ZIC5: variants seen among roughly 807,000 people sequenced by gnomAD.
ZIC5 encodes the protein zinc finger protein ZIC 5.
ZIC5 carries 20 observed loss-of-function variants against 28.5 expected under a neutral mutation model. The observed-to-expected ratio is 0.70, with a 90% confidence interval of 0.49 to 1.02. ZIC5 has a LOEUF of 1.02. Ranked by LOEUF, ZIC5 falls within the 50% of genes least tolerant of loss-of-function variation. The pLI, the probability that ZIC5 is intolerant of heterozygous loss-of-function variation, is 0.00. For missense variants in ZIC5, 951 were observed against 899.7 expected, an observed-to-expected ratio of 1.06 and a Z score of -0.73; for synonymous variants, 488 against 410.4, an observed-to-expected ratio of 1.19 and a Z score of -2.29.
Position 99,971,201 on chromosome 13 carries a change from G to A in ZIC5, c.403C>T (p.Pro135Ser). ...APPPPAPPLP[P>S]TPSPPPPPPP... ...GGAGGGGGAGGGGGTGAAGGGGTGG[G>A]AGGAAGAGGAGGGGCTGGGGGCGGG... Residue 135 changes from proline (P) to serine (S), a missense_variant, in exon 1 of 2, where the codon CCC (proline) becomes TCC (serine). By Grantham distance (74) the Pro-to-Ser change is moderately conservative. Transcript: ENST00000267294. 1 of 581,592 alleles carries A rather than the reference G, an allele frequency of 1.7e-6. No homozygotes were observed. Among genetic ancestry groups the A allele is most frequent in the South Asian group, 4.0e-5 (1 of 24,944 alleles). The allele number at this position is 581,592 out of a possible 1,614,324, so 36.0% of individuals were successfully genotyped here. A position where few individuals can be genotyped will look rare whatever the true frequency, so the allele number is the denominator to read the frequency against.
At chr13:99,968,027 A>C (rs921930553) in intron 1 of ZIC5, among the ~76,000 whole-genome samples, 6 of 152,162 alleles carry the variant, frequency 3.9e-5, no homozygotes, top group African/African-American at 1.4e-4. Context: ...CTCCCGAGAG[A>C]GCGCGAGTCG....
At chr13:99,967,403 A>G (rs1176106084) in intron 1 of ZIC5, among the ~76,000 whole-genome samples, 2 of 152,400 alleles carry the variant, frequency 1.3e-5, no homozygotes, top group African/African-American at 4.8e-5. Flanking sequence ...TTCTCTGTAG[A>G]TGAGCTTTAA....
Position 99,971,328 on chromosome 13 carries a change from C to T in ZIC5, c.276G>A (p.Glu92=), listed in dbSNP as rs892336043. 2.2e-6 allele frequency: 3 copies of T among 1,394,088 alleles called. No individual in the cohort carries two copies. Among genetic ancestry groups the T allele is most frequent in the South Asian group, 1.6e-5 (1 of 61,194 alleles). The allele number at this position is 1,394,088 out of a possible 1,614,324, so 86.4% of individuals were successfully genotyped here. A position where few individuals can be genotyped will look rare whatever the true frequency, so the allele number is the denominator to read the frequency against. The change falls in exon 1 of 2, where the codon GAG becomes GAA. Residue 92 remains glutamate, a synonymous_variant. Coordinates refer to ENST00000267294, the MANE Select transcript of ZIC5 (RefSeq NM_033132.5). ...PPSQAFPAHP[E]APAAAARAAA... is the part of the protein sequence containing the mutation. ...CAGCACGGGCGGCGGCTGCCGGAGCCTCCGGGTGTGCCGGGAACGCCTGGG... is the reference window on the plus strand; with the variant it reads ...CAGCACGGGCGGCGGCTGCCGGAGCTTCCGGGTGTGCCGGGAACGCCTGGG...
At chr13:99,969,235 G>T (rs568982309) in intron 1 of ZIC5, among the ~76,000 whole-genome samples, 1 of 152,258 alleles carries the variant, frequency 6.6e-6, no homozygotes, top group South Asian at 2.1e-4. Context: ...CCACGACGCC[G>T]GTGGCTCCCC....
chr13:99,969,853 G>T lies in ZIC5; in HGVS notation c.1477+274C>A, dbSNP rs551850306. ...GCGGCTGGCGCGCGTTGCGGGTCCC[G>T]GCCGAGGGGCTGCGGGCGCGCTGGA... On this transcript the variant is annotated intron_variant, in intron 1 of 1. Transcript: ENST00000267294. 2.4e-3 allele frequency among the ~76,000 whole-genome samples: 353 copies of T among 148,236 alleles called. 2 individuals are homozygous for T. Among genetic ancestry groups the T allele is most frequent in the African/African-American group, 7.4e-3 (298 of 40,218 alleles).
rs148340592 is a variant in ZIC5, at chr13:99,965,581, G to A, written c.1716C>T (p.Gly572=). 228 of 1,613,860 alleles carry A rather than the reference G, an allele frequency of 1.4e-4. 2 individuals carry two copies. The highest frequency in any genetic ancestry group is 1.2e-3 in the South Asian group (112 of 91,050). ...LGYSSVGTPV[G]APLSPVLDPA... ...GGTCCAGCACAGGGGACAAGGGGGCGCCCACTGGAGTCCCCACTGATGAGT... is the reference window on the plus strand; with the variant it reads ...GGTCCAGCACAGGGGACAAGGGGGCACCCACTGGAGTCCCCACTGATGAGT... Residue 572 remains glycine, a synonymous_variant, in exon 2 of 2, where the codon GGC becomes GGT. Coordinates refer to ENST00000267294, the MANE Select transcript of ZIC5 (RefSeq NM_033132.5).
rs1327173016 is a variant in ZIC5 at position 99,970,712 on chromosome 13, C to T, written c.892G>A (p.Ala298Thr). 1.7e-6 allele frequency: 2 copies of T among 1,189,210 alleles called. No homozygotes were observed. Among genetic ancestry groups the T allele is most frequent in the Admixed American group, 4.5e-5 (1 of 22,190 alleles). 73.7% of individuals were successfully genotyped at this position (1,189,210 alleles called of 1,614,324 possible). Residue 298 changes from alanine (A) to threonine (T), a missense_variant, in exon 1 of 2, where the codon GCC becomes ACC. Physicochemically the swap from Ala to Thr is moderately conservative, Grantham distance 58. This residue lies in a region of ZIC5 where 784 missense variants were observed against 660.1 expected (regional missense o/e 1.19). Coordinates refer to ENST00000267294, the MANE Select transcript of ZIC5 (RefSeq NM_033132.5). Reference sequence around the variant, plus strand: ...ACGGCTCCGTAGCCGTGCAGGGCGGCCGCCGCTGCGGCCGCAACCGCCCCG... The same window carrying T: ...ACGGCTCCGTAGCCGTGCAGGGCGGTCGCCGCTGCGGCCGCAACCGCCCCG... Reference protein sequence around the residue: ...HYGAVAAAAAAALHGYGAVNL... With the variant: ...HYGAVAAAAATALHGYGAVNL...
Position 99,970,596 on chromosome 13 carries a change from C to G in ZIC5, c.1008G>C (p.Pro336=), listed in dbSNP as rs954172816. Residue 336 remains proline, a synonymous_variant, in exon 1 of 2, where the codon CCG becomes CCC. Transcript: ENST00000267294. ...GCTGCGCGGGCGCCGGCGGCGGCGG[C>G]GGCGCCGGGGGCGGCGCGTGGTGCT... ...HLQHHAPPPA[P]PPPPAPAQHP... is the part of the protein sequence containing the mutation. 1.0e-6 allele frequency: 1 copy of G among 995,810 alleles called. No homozygotes were observed. The highest frequency in any genetic ancestry group is 1.1e-4 in the East Asian group (1 of 9,290). The allele number at this position is 995,810 out of a possible 1,614,324, so 61.7% of individuals were successfully genotyped here.
Position 99,970,990 on chromosome 13 carries a change from TG to T in ZIC5, c.613del (p.Gln205SerfsTer102). On this transcript the variant is annotated frameshift_variant, in exon 1 of 2. Transcript: ENST00000267294. LOFTEE classifies it high-confidence loss of function. ...CGAGTGGGGAGGCGGGGCCGGGTGCTGGGGGGAGCCGGTGCCGGACCGCTGC... is the reference window on the plus strand; with the variant it reads ...CGAGTGGGGAGGCGGGGCCGGGTGCTGGGGGAGCCGGTGCCGGACCGCTGC... Reference protein sequence around the residue: ...GEQRSGTGSPQHPAPPPHSAG... With the variant: ...GEQRSGTGSPXHPAPPPHSAG... The T allele has an allele frequency of 5.0e-6, 7 of 1,404,274 alleles. No homozygotes were observed. The highest frequency in any genetic ancestry group is 4.6e-6 in the Non-Finnish European group (5 of 1,091,798). 87.0% of individuals were successfully genotyped at this position (1,404,274 alleles called of 1,614,324 possible). A position where few individuals can be genotyped will look rare whatever the true frequency, so the allele number is the denominator to read the frequency against.
intron 1 of ZIC5, among the ~76,000 whole-genome samples, chr13:99,969,305 T>A (rs770508695): frequency 3.3e-5 from 5 of 152,118 alleles, no homozygotes; most frequent in Non-Finnish European, 5.9e-5. Context: ...CTCCTACAAC[T>A]AGAACCTTCT....
In ZIC5 at chr13:99,971,496, G is replaced by C; in HGVS notation, c.108C>G (p.Ala36=). The C allele has an allele frequency of 6.4e-7, 1 of 1,550,818 alleles. No individual in the cohort carries two copies. The highest frequency in any genetic ancestry group is 8.7e-7 in the Non-Finnish European group (1 of 1,146,990). ...GGAGTTGGGAGTGGGCGGGCGGGCC[G>C]GCCAGCGCCGGGAAGCCTGTCATAT... The part of the protein sequence containing the change: ...LQNMTGFPAL[A]GPPAHSQLRA... The change falls in exon 1 of 2, where the codon GCC becomes GCG. Residue 36 remains alanine, a synonymous_variant. Transcript: ENST00000267294.
rs1241794087 is a variant in ZIC5 at position 99,971,513 on chromosome 13, C to T, written c.91G>A (p.Gly31Ser). ...AQVQPLQNMT[G>S]FPALAGPPAH... ...GGCGGGCCGGCCAGCGCCGGGAAGC[C>T]TGTCATATTCTGAAGCGGCTGGACC... The change falls in exon 1 of 2, where the codon GGC becomes AGC. Residue 31 changes from glycine to serine, a missense_variant. Physicochemically the swap from Gly to Ser is moderately conservative, Grantham distance 56 (BLOSUM62 0). Around this residue, in one of 3 missense-constraint regions of ZIC5, gnomAD observed 784 missense variants for 660.1 expected, o/e 1.19. Transcript: ENST00000267294. 1 of 1,551,636 alleles carries T rather than the reference C, an allele frequency of 6.4e-7. No individual in the cohort carries two copies. Among genetic ancestry groups the T allele is most frequent in the Non-Finnish European group, 8.7e-7 (1 of 1,147,120 alleles).
At position 99,971,030 on chromosome 13, in the gene ZIC5, G is replaced by T; in HGVS notation, c.574C>A (p.Pro192Thr). 2.1e-6 allele frequency: 3 copies of T among 1,419,612 alleles called. No homozygotes were observed. Among genetic ancestry groups the T allele is most frequent in the South Asian group, 3.0e-5 (2 of 66,472 alleles). The allele number at this position is 1,419,612 out of a possible 1,614,324, so 87.9% of individuals were successfully genotyped here. A position where few individuals can be genotyped will look rare whatever the true frequency, so the allele number is the denominator to read the frequency against. ...CCGGACCGCTGCTCCCCTCCGAGCG[G>T]GGCCCCGTGCATGGCCGCCGCGGGG... ...TAPAAAMHGA[P>T]LGGEQRSGTG... Residue 192 changes from proline (P) to threonine (T), a missense_variant, in exon 1 of 2, where the codon CCG (proline) becomes ACG (threonine). Around this residue, in one of 3 missense-constraint regions of ZIC5, gnomAD observed 784 missense variants for 660.1 expected, o/e 1.19. Transcript: ENST00000267294.
rs866031645 is a variant in ZIC5 at position 99,970,520 on chromosome 13, G to A, written c.1084C>T (p.Arg362Cys). The A allele has an allele frequency of 8.9e-7, 1 of 1,125,212 alleles. No individual in the cohort carries two copies. The highest frequency in any genetic ancestry group is 1.1e-6 in the Non-Finnish European group (1 of 911,826). 69.7% of individuals were successfully genotyped at this position (1,125,212 alleles called of 1,614,324 possible). Reference sequence around the variant, plus strand: ...TGCTTGATTGGCTGCCGCATGTAGCGCAGGAAGGCCCCAGCCGCCCCTGGG... The same window carrying A: ...TGCTTGATTGGCTGCCGCATGTAGCACAGGAAGGCCCCAGCCGCCCCTGGG... ...HLPGAAGAFL[R>C]YMRQPIKQEL... Residue 362 changes from arginine to cysteine, a missense_variant, in exon 1 of 2, where the codon CGC (arginine) becomes TGC (cysteine). Arg to Cys is a radical substitution (Grantham distance 180). Around this residue, in one of 3 missense-constraint regions of ZIC5, gnomAD observed 784 missense variants for 660.1 expected, o/e 1.19. Coordinates refer to ENST00000267294, the MANE Select transcript of ZIC5 (RefSeq NM_033132.5).
At position 99,971,379 on chromosome 13, in the gene ZIC5, C is replaced by T; in HGVS notation, c.225G>A (p.Ala75=). 6.7e-7 allele frequency: 1 copy of T among 1,496,610 alleles called. No individual in the cohort carries two copies. Among genetic ancestry groups the T allele is most frequent in the Non-Finnish European group, 8.8e-7 (1 of 1,131,986 alleles). The allele number at this position is 1,496,610 out of a possible 1,614,324, so 92.7% of individuals were successfully genotyped here. ...TPLGPEHMAQ[A]STLGLSPPSQ... is the part of the protein sequence containing the mutation. ...AGGGAGGGCTGAGGCCCAGCGTGCT[C>T]GCCTGGGCCATGTGCTCGGGTCCGA... The change falls in exon 1 of 2, where the codon GCG becomes GCA. Residue 75 remains alanine (A), a synonymous_variant. Transcript: ENST00000267294.
chr13:99,963,663 T>C lies in ZIC5; in HGVS notation c.*1714A>G, dbSNP rs1410765058. 6.6e-6 allele frequency: 1 copy of C among 151,982 alleles called. No homozygotes were observed. The highest frequency in any genetic ancestry group is 1.9e-4 in the East Asian group (1 of 5,198). The allele number at this position is 151,982 out of a possible 1,614,324, so 9.4% of individuals were successfully genotyped here. A position where few individuals can be genotyped will look rare whatever the true frequency, so the allele number is the denominator to read the frequency against. On this transcript the variant is annotated 3_prime_UTR_variant, in exon 2 of 2. Transcript: ENST00000267294. Reference sequence around the variant, plus strand: ...TAAAAATATATTTTTCCATTTTCTTTCCTTTTTTTTTTAAATAAACCATGG... The same window carrying C: ...TAAAAATATATTTTTCCATTTTCTTCCCTTTTTTTTTTAAATAAACCATGG...
At position 99,963,760 on chromosome 13, in the gene ZIC5, G is replaced by GT. The variant is rs2053074830; in HGVS notation, c.*1616_*1617insA. 7.6e-6 allele frequency: 1 copy of GT among 131,438 alleles called. No homozygotes were observed. Among genetic ancestry groups the GT allele is most frequent in the Non-Finnish European group, 1.6e-5 (1 of 61,204 alleles). 8.1% of individuals were successfully genotyped at this position (131,438 alleles called of 1,614,324 possible). On this transcript the variant is annotated 3_prime_UTR_variant, in exon 2 of 2. Transcript: ENST00000267294. ...GTGTGCTTTGAACTCTTCCAGGAAAGAAAAAAAAAAAGGATGATGTCTGAA... is the reference window on the plus strand; with the variant it reads ...GTGTGCTTTGAACTCTTCCAGGAAAGTAAAAAAAAAAAGGATGATGTCTGAA...
At position 99,971,240 on chromosome 13, in the gene ZIC5, G is replaced by T; in HGVS notation, c.364C>A (p.Gln122Lys). The T allele has an allele frequency of 7.6e-7, 1 of 1,314,384 alleles. No individual in the cohort carries two copies. The highest frequency in any genetic ancestry group is 9.6e-7 in the Non-Finnish European group (1 of 1,039,620). 81.4% of individuals were successfully genotyped at this position (1,314,384 alleles called of 1,614,324 possible). Reference sequence around the variant, plus strand: ...GCTGGGGGCGGGGGCGCGGAGGGCTGCGCGCCACTGCTGCCCCCGCCGCAG... The same window carrying T: ...GCTGGGGGCGGGGGCGCGGAGGGCTTCGCGCCACTGCTGCCCCCGCCGCAG... ...YPCGGGSSGA[Q>K]PSAPPPPAPP... The change falls in exon 1 of 2, where the codon CAG (glutamine) becomes AAG (lysine). Residue 122 changes from glutamine (Q) to lysine (K), a missense_variant. This residue lies in a region of ZIC5 where 784 missense variants were observed against 660.1 expected (regional missense o/e 1.19). Transcript: ENST00000267294.
rs752692151 is a variant in ZIC5, at chr13:99,970,649, C to G, written c.955G>C (p.Ala319Pro). 4 of 1,139,092 alleles carry G rather than the reference C, an allele frequency of 3.5e-6. No individual in the cohort carries two copies. The highest frequency in any genetic ancestry group is 2.1e-5 in the South Asian group (1 of 46,718). The allele number at this position is 1,139,092 out of a possible 1,614,324, so 70.6% of individuals were successfully genotyped here. A position where few individuals can be genotyped will look rare whatever the true frequency, so the allele number is the denominator to read the frequency against. Residue 319 changes from alanine to proline, a missense_variant, in exon 1 of 2, where the codon GCA becomes CCA. Around this residue, in one of 3 missense-constraint regions of ZIC5, gnomAD observed 784 missense variants for 660.1 expected, o/e 1.19. Transcript: ENST00000267294. ...AGGTGGGGCCCGGGCCCGGCCGCTG[C>G]TGCGGCCGCCGCAGCCGCCAGGTTC... The part of the protein sequence containing the change: ...NLNLAAAAAA[A>P]AAGPGPHLQH...
Sources: gnomAD v4.1 joint callset for allele counts (sites outside exome capture counted in the v4.1 genomes callset) on GRCh38, gnomAD v4.1.1 for gene constraint, gnomAD v4.1.1 regional missense constraint, MANE v1.5 for transcripts, NCBI Gene and HGNC (gene_info 2026-07-23, HGNC 2026-07-21) for gene names.